The following RAB39A variants were observed in gnomAD, a reference collection of about 807,000 sequenced individuals.
RAB39A encodes ras-related protein Rab-39A.
In RAB39A, 17 loss-of-function variants were observed where a neutral mutation model predicts 20.9. That is an observed-to-expected ratio of 0.81 (90% CI 0.56 to 1.22). The LOEUF (loss-of-function observed/expected upper bound fraction) is 1.22. Ranked by LOEUF, RAB39A falls within the 50% of genes most tolerant of loss-of-function variation. The pLI, the probability that RAB39A is intolerant of heterozygous loss-of-function variation, is 0.00. For synonymous variants in RAB39A, 99 were observed against 103.4 expected, an observed-to-expected ratio of 0.96 and a Z score of 0.26; for missense variants, 234 against 270.5, an observed-to-expected ratio of 0.87 and a Z score of 0.95.
At chr11:107,958,018 A>G (rs956126652) in intron 1 of RAB39A, among the ~76,000 whole-genome samples, 1 of 152,008 alleles carries the variant, frequency 6.6e-6, no homozygotes. Flanking sequence ...CAGCCTCCCA[A>G]GTAGCTTGGA....
intron 1 of RAB39A, among the ~76,000 whole-genome samples, chr11:107,929,746 G>T (rs1432115701): frequency 6.6e-6 from 1 of 152,164 alleles, no homozygotes; most frequent in Non-Finnish European, 1.5e-5. Flanking sequence ...GAAATTATAT[G>T]CATTTCCTGA....
chr11:107,933,170 A>G (rs1291754641), intron 1 of RAB39A, among the ~76,000 whole-genome samples: 1 of 151,994 alleles, frequency 6.6e-6, no homozygotes, highest in East Asian at 1.9e-4. Flanking sequence ...TTAGCTGTAG[A>G]ATGGGAAACC....
At chr11:107,930,733 G>A (rs891043644) in intron 1 of RAB39A, among the ~76,000 whole-genome samples, 4 of 151,972 alleles carry the variant, frequency 2.6e-5, no homozygotes, top group African/African-American at 7.2e-5. Flanking sequence ...GTGTGTGCCC[G>A]TAGTCCCAGC....
In RAB39A at chr11:107,953,794, TTAGAA is replaced by T. The variant is rs568722644; in HGVS notation, c.228-8150_228-8146del. On this transcript the variant is annotated intron_variant, in intron 1 of 1. Transcript: ENST00000320578. ...ACCACCTACTATCTTGCTCACTAAT[TTAGAA>T]TGTAGACATCCTGAAGGATTATGCT... Among the ~76,000 whole-genome samples, 8 of 152,280 alleles carry T rather than the reference TTAGAA, an allele frequency of 5.3e-5. No individual in the cohort carries two copies. In the East Asian group the frequency reaches 1.5e-3, roughly 29 times the overall value.
rs553387151 is a variant in RAB39A at position 107,942,794 on chromosome 11, T to G, written c.227+13999T>G. Among the ~76,000 whole-genome samples the G allele has an allele frequency of 5.3e-4, 80 of 150,738 alleles. 1 individual carries two copies. Among genetic ancestry groups the G allele is most frequent in the South Asian group, 3.6e-3 (17 of 4,782 alleles). On this transcript the variant is annotated intron_variant, in intron 1 of 1. Coordinates refer to ENST00000320578, the MANE Select transcript of RAB39A (RefSeq NM_017516.3). ...AGTTTTAATGGCATGTTGTATGGGG[T>G]GTGTGTGTGTGTGTGTATGTCTCCA... is the stretch of plus-strand genomic sequence containing the variant.
At chr11:107,951,994 A>G (rs893775439) in intron 1 of RAB39A, among the ~76,000 whole-genome samples, 4 of 152,202 alleles carry the variant, frequency 2.6e-5, no homozygotes, top group African/African-American at 7.2e-5. Flanking sequence ...CATTAATCAT[A>G]TATTAAGTAA....
At chr11:107,949,709 C>T (rs1407078410) in intron 1 of RAB39A, among the ~76,000 whole-genome samples, 1 of 152,194 alleles carries the variant, frequency 6.6e-6, no homozygotes, top group Non-Finnish European at 1.5e-5. Context: ...AGAAAATAAG[C>T]ATCCTTTCAT....
In RAB39A at chr11:107,928,454, A is replaced by C; in HGVS notation, c.-115A>C. The C allele has an allele frequency of 1.5e-6, 1 of 659,776 alleles. No individual in the cohort carries two copies. The highest frequency in any genetic ancestry group is 2.1e-6 in the Non-Finnish European group (1 of 469,464). The allele number at this position is 659,776 out of a possible 1,614,324, so 40.9% of individuals were successfully genotyped here. On this transcript the variant is annotated 5_prime_UTR_variant, in exon 1 of 2. Transcript: ENST00000320578. The surrounding 1 kb of genome is among the most constrained non-coding windows in gnomAD (Gnocchi z 4.9). ...GGCACCAGGCGGCGGCCGCAGCCGC[A>C]GGAATATGCTGGAAGGCGGCGGGCG...
At chr11:107,946,236 CA>C (rs550561545) in intron 1 of RAB39A, among the ~76,000 whole-genome samples, 9,584 of 122,232 alleles carry the variant, frequency 0.078, 369 homozygotes, top group African/African-American at 0.12. Flanking sequence ...TGTTAAAAAA[CA>C]AAAAAAAAAA....
intron 1 of RAB39A, among the ~76,000 whole-genome samples, chr11:107,939,588 C>T (rs897967940): frequency 7.2e-6 from 1 of 138,546 alleles, no homozygotes; most frequent in African/African-American, 2.7e-5. Flanking sequence ...CCAGCCTGGG[C>T]AATAGAGCCA....
At chr11:107,946,323 TATACACACAC>T (rs1468852784) in intron 1 of RAB39A, among the ~76,000 whole-genome samples, 2 of 124,678 alleles carry the variant, frequency 1.6e-5, no homozygotes, top group Admixed American at 8.1e-5. Flanking sequence ...TATATATATA[TATACACACAC>T]ACACACACAC....
chr11:107,940,075 T>A (rs1178118327), intron 1 of RAB39A, among the ~76,000 whole-genome samples: 1 of 152,098 alleles, frequency 6.6e-6, no homozygotes, highest in East Asian at 1.9e-4. Context: ...TCCAAAAATA[T>A]TTATTTTAAT....
Position 107,928,545 on chromosome 11 carries a change from G to A in RAB39A, c.-24G>A. 7.0e-7 allele frequency: 1 copy of A among 1,426,376 alleles called. No homozygotes were observed. The highest frequency in any genetic ancestry group is 1.4e-5 in the African/African-American group (1 of 70,034). 88.4% of individuals were successfully genotyped at this position (1,426,376 alleles called of 1,614,324 possible). ...ACTTAGCCCGCGGGTGGGGCGGCCC[G>A]GGAGCCAGCGGGGCACGTGAGCGAT... is the stretch of plus-strand genomic sequence containing the variant. On this transcript the variant is annotated 5_prime_UTR_variant, in exon 1 of 2. Transcript: ENST00000320578. The surrounding 1 kb of genome is among the most constrained non-coding windows in gnomAD (Gnocchi z 4.9).
chr11:107,946,424 GTGTGTGTGTGTGTA>G (rs1358449880), intron 1 of RAB39A, among the ~76,000 whole-genome samples: 5 of 19,064 alleles, frequency 2.6e-4, no homozygotes, highest in Admixed American at 2.0e-3. Flanking sequence ...GTGTGTGTGT[GTGTGTGTGTGTGTA>G]TATATATATA....
At position 107,961,986 on chromosome 11, in the gene RAB39A, T is replaced by A; in HGVS notation, c.268T>A (p.Phe90Ile). Residue 90 changes from phenylalanine to isoleucine, a missense_variant, in exon 2 of 2, where the codon TTT (phenylalanine) becomes ATT (isoleucine). Physicochemically the swap from Phe to Ile is conservative, Grantham distance 21. Transcript: ENST00000320578. The part of the protein sequence containing the change: ...RSYYRNSVGG[F>I]LVFDITNRRS... ...TTATTACCGCAACTCAGTTGGTGGA[T>A]TTTTAGTATTTGACATTACTAACCG... 1 of 1,613,246 alleles carries A rather than the reference T, an allele frequency of 6.2e-7. No individual in the cohort carries two copies. Among genetic ancestry groups the A allele is most frequent in the Non-Finnish European group, 8.5e-7 (1 of 1,179,262 alleles).
At chr11:107,942,496 T>A (rs1156424230) in intron 1 of RAB39A, among the ~76,000 whole-genome samples, 1 of 152,064 alleles carries the variant, frequency 6.6e-6, no homozygotes, top group African/African-American at 2.4e-5. Context: ...CTGGGCTAAT[T>A]TTTGTTTGTT....
At chr11:107,959,362 T>G (rs1861472001) in intron 1 of RAB39A, among the ~76,000 whole-genome samples, 1 of 152,132 alleles carries the variant, frequency 6.6e-6, no homozygotes, top group Non-Finnish European at 1.5e-5. Context: ...ACACTGCACA[T>G]CTGCCTAAAT....
At chr11:107,948,446 A>G (rs1861340582) in intron 1 of RAB39A, among the ~76,000 whole-genome samples, 1 of 152,060 alleles carries the variant, frequency 6.6e-6, no homozygotes, top group South Asian at 2.1e-4. Flanking sequence ...TTTGAGCAGA[A>G]GTTGCATGTG....
chr11:107,960,896 TC>T (rs1056509508), intron 1 of RAB39A, among the ~76,000 whole-genome samples: 2 of 152,104 alleles, frequency 1.3e-5, no homozygotes, highest in Non-Finnish European at 2.9e-5. Context: ...AGCCAGCGCC[TC>T]CCATTGGCTG....
Sources: allele counts gnomAD v4.1 joint callset (sites outside exome capture counted in the v4.1 genomes callset), GRCh38; gene constraint gnomAD v4.1.1; non-coding constraint Gnocchi (gnomAD v3.1); transcripts MANE v1.5; gene names NCBI Gene and HGNC (gene_info 2026-07-23, HGNC 2026-07-21).